PTPN7: variants seen among roughly 807,000 people sequenced by gnomAD.
PTPN7 encodes protein tyrosine phosphatase non-receptor type 7.
PTPN7 carries 33 observed loss-of-function variants against 50.3 expected under a neutral mutation model. That is an observed-to-expected ratio of 0.66 (90% CI 0.50 to 0.88). PTPN7 has a LOEUF of 0.88. PTPN7 is among the 40% of genes least tolerant of loss of function. The probability of loss-of-function intolerance (pLI) is 0.00; values close to 1 mark genes in which losing one functional copy is unlikely to be tolerated. For synonymous variants in PTPN7, 185 were observed against 186.6 expected (o/e 0.99, Z 0.07); for missense variants, 412 against 475.4 (o/e 0.87, Z 1.24).
In PTPN7 at chr1:202,159,213, T is replaced by G; in HGVS notation, c.122+68A>C. On this transcript the variant is annotated intron_variant, in intron 2 of 9. Coordinates refer to ENST00000691036, the MANE Select transcript of PTPN7 (RefSeq NM_002832.4). This position sits in a 1 kb window ranked among gnomAD's most constrained non-coding sequence, Gnocchi z 4.6. ...CTGCTGTCAGAGCTGGAGGGGCAGA[T>G]GGAAGGAAGGGAGGAGCGGAATGGG... The G allele has an allele frequency of 6.7e-7, 1 of 1,500,670 alleles. No individual in the cohort carries two copies. Among genetic ancestry groups the G allele is most frequent in the Non-Finnish European group, 9.2e-7 (1 of 1,086,302 alleles). 93.0% of individuals were successfully genotyped at this position (1,500,670 alleles called of 1,614,324 possible). A position where few individuals can be genotyped will look rare whatever the true frequency, so the allele number is the denominator to read the frequency against.
At chr1:202,152,801 G>A (rs141016298) in intron 7 of PTPN7, 102 bp from the exon 8 acceptor site, 33 of 1,366,014 alleles carry the variant, frequency 2.4e-5, no homozygotes, top group Non-Finnish European at 3.2e-5. Flanking sequence ...TTACCCTGTG[G>A]GGGGGTCATC....
chr1:202,149,818 T>C (rs1412228006), intron 9 of PTPN7: 2 of 147,368 alleles, frequency 1.4e-5, no homozygotes, highest in African/African-American at 5.2e-5. Context: ...CAGACAGATA[T>C]TCTTTTTTTT....
intron 9 of PTPN7, among the ~76,000 whole-genome samples, chr1:202,149,516 G>C (rs1256503017): frequency 6.6e-6 from 1 of 152,168 alleles, no homozygotes; most frequent in Non-Finnish European, 1.5e-5. Flanking sequence ...AGAAGTGGGG[G>C]CTGGGCACAG....
chr1:202,154,502 T>A (rs1656425573), intron 5 of PTPN7, among the ~76,000 whole-genome samples, 179 bp from the exon 6 acceptor site: 1 of 152,224 alleles, frequency 6.6e-6, no homozygotes, highest in African/African-American at 2.4e-5. Flanking sequence ...GGTTCTGGAA[T>A]GAGGATCAGA....
chr1:202,153,432 C>T (rs1656270905), intron 7 of PTPN7, among the ~76,000 whole-genome samples: 1 of 152,210 alleles, frequency 6.6e-6, no homozygotes, highest in Non-Finnish European at 1.5e-5. Context: ...CCTTCCACAT[C>T]TCCTTTAACC....
intron 8 of PTPN7, among the ~76,000 whole-genome samples, chr1:202,151,433 A>G (rs1294133354): frequency 1.3e-5 from 2 of 151,992 alleles, no homozygotes. Flanking sequence ...CTCTTGGAAA[A>G]CTTTCTCTGG....
In PTPN7 at chr1:202,159,164, C is replaced by G. The variant is rs1657033765; in HGVS notation, c.122+117G>C. ...ACTGGTTTCCTTTCCAAATTGGAGTCAACAACTGAGGGCCCTCTGGACCCT... is the reference window on the plus strand; with the variant it reads ...ACTGGTTTCCTTTCCAAATTGGAGTGAACAACTGAGGGCCCTCTGGACCCT... On this transcript the variant is annotated intron_variant, in intron 2 of 9. Transcript: ENST00000691036. The surrounding 1 kb of genome is among the most constrained non-coding windows in gnomAD (Gnocchi z 4.6). 1.0e-6 allele frequency: 1 copy of G among 1,004,272 alleles called. No individual in the cohort carries two copies. Among genetic ancestry groups the G allele is most frequent in the Admixed American group, 2.2e-5 (1 of 44,780 alleles). 62.2% of individuals were successfully genotyped at this position (1,004,272 alleles called of 1,614,324 possible). A position where few individuals can be genotyped will look rare whatever the true frequency, so the allele number is the denominator to read the frequency against.
At position 202,159,066 on chromosome 1, in the gene PTPN7, A is replaced by G. The variant is rs1657024838; in HGVS notation, c.122+215T>C. 7.0e-6 allele frequency: 4 copies of G among 572,130 alleles called. No homozygotes were observed. Among genetic ancestry groups the G allele is most frequent in the Non-Finnish European group, 1.2e-5 (4 of 321,716 alleles). The allele number at this position is 572,130 out of a possible 1,614,324, so 35.4% of individuals were successfully genotyped here. The stretch of plus-strand genomic sequence containing the variant: ...AAGAAGGCTGTGGGCCTTGCCTGGA[A>G]TTTAGGGAGCAGGCTCATGGTTGAT... On this transcript the variant is annotated intron_variant, in intron 2 of 9. Coordinates refer to ENST00000691036, the MANE Select transcript of PTPN7 (RefSeq NM_002832.4). This position sits in a 1 kb window ranked among gnomAD's most constrained non-coding sequence, Gnocchi z 4.6.
At chr1:202,151,863 A>G (rs1255247741) in intron 8 of PTPN7, among the ~76,000 whole-genome samples, 2 of 152,136 alleles carry the variant, frequency 1.3e-5, no homozygotes, top group African/African-American at 4.8e-5. Context: ...CTGGGAAGAA[A>G]CCAAACTGCT....
At chr1:202,158,537 T>G (rs965599887) in intron 2 of PTPN7, 15 of 453,800 alleles carry the variant, frequency 3.3e-5, no homozygotes, top group Non-Finnish European at 4.3e-5. Flanking sequence ...ATTTAAGTTT[T>G]TTTTTTTTTT....
chr1:202,150,507 A>G, intron 8 of PTPN7, 83 bp from the exon 9 acceptor site: 1 of 1,069,826 alleles, frequency 9.3e-7, no homozygotes, highest in African/African-American at 1.6e-5. Flanking sequence ...GGAGAAAGAA[A>G]TGGGACCTGC....
At position 202,159,466 on chromosome 1, in the gene PTPN7, G is replaced by A. The variant is rs150883460; in HGVS notation, c.-52-12C>T. On this transcript the variant is annotated splice_polypyrimidine_tract_variant and intron_variant, in intron 1 of 9. Coordinates refer to ENST00000691036, the MANE Select transcript of PTPN7 (RefSeq NM_002832.4). The surrounding 1 kb of genome is among the most constrained non-coding windows in gnomAD (Gnocchi z 4.6). ...GCCATGAGGTCTGCCTGAAAGACAGGGCCCTCCGCTGCTGTTCTCTGGCCT... is the reference window on the plus strand; with the variant it reads ...GCCATGAGGTCTGCCTGAAAGACAGAGCCCTCCGCTGCTGTTCTCTGGCCT... The A allele has an allele frequency of 3.6e-5, 58 of 1,608,430 alleles. No homozygotes were observed. In the African/African-American group the frequency reaches 6.5e-4, roughly 18 times the overall value.
intron 5 of PTPN7, 66 bp downstream of exon 5, chr1:202,155,467 G>T: frequency 6.9e-7 from 1 of 1,451,464 alleles, no homozygotes; most frequent in Non-Finnish European, 9.6e-7. Flanking sequence ...GCCATGGCTG[G>T]AAGATATTCT....
At chr1:202,156,296 G>A (rs1363626743) in intron 4 of PTPN7, among the ~76,000 whole-genome samples, 1 of 152,200 alleles carries the variant, frequency 6.6e-6, no homozygotes, top group African/African-American at 2.4e-5. Context: ...ATCAGTACAG[G>A]TTTAGAACAA....
chr1:202,158,154 C>T lies in PTPN7; in HGVS notation c.270G>A (p.Gln90=), dbSNP rs1459020421. The change falls in exon 3 of 10, where the codon CAG becomes CAA. Residue 90 remains glutamine, a synonymous_variant. Coordinates refer to ENST00000691036, the MANE Select transcript of PTPN7 (RefSeq NM_002832.4). ...HPLTRWALQR[Q]PPSPKQLEEE... ...CTTCCAGTTGCTTGGGGCTGGGTGG[C>T]TGGCGCTGAAGGGCCCAGCGGGTAA... 2 of 1,606,478 alleles carry T rather than the reference C, an allele frequency of 1.2e-6. No homozygotes were observed. Among genetic ancestry groups the T allele is most frequent in the Admixed American group, 3.4e-5 (2 of 58,098 alleles).
chr1:202,148,578 C>A lies in PTPN7; in HGVS notation c.*28G>T, dbSNP rs900792000. The A allele has an allele frequency of 1.3e-5, 21 of 1,600,272 alleles. No homozygotes were observed. Among genetic ancestry groups the A allele is most frequent in the Non-Finnish European group, 1.6e-5 (19 of 1,168,378 alleles). On this transcript the variant is annotated 3_prime_UTR_variant, in exon 10 of 10. Transcript: ENST00000691036. Reference sequence around the variant, plus strand: ...CCTTCCCAGGCTTGAGGGAGGTAGGCACCTGGGCCACCGGAGGGTGGCAGG... The same window carrying A: ...CCTTCCCAGGCTTGAGGGAGGTAGGAACCTGGGCCACCGGAGGGTGGCAGG...
At chr1:202,157,898 G>A (rs1167004256) in intron 3 of PTPN7, 75 bp from the exon 4 acceptor site, 3 of 1,487,000 alleles carry the variant, frequency 2.0e-6, no homozygotes, top group African/African-American at 1.4e-5. Context: ...TTCTAGAACA[G>A]CTGGACTCTG....
At chr1:202,160,779 T>C (rs1301687586), upstream of PTPN7, 3 of 1,550,646 alleles carry the variant, frequency 1.9e-6, no homozygotes, top group South Asian at 2.4e-5. This position sits in a 1 kb window ranked among gnomAD's most constrained non-coding sequence, Gnocchi z 4.8. Flanking sequence ...TCCCTGGGAA[T>C]GGGTGAGGGG....
Position 202,160,543 on chromosome 1 carries a change from A to G in PTPN7, c.-53+2T>C. On this transcript the variant is annotated splice_donor_variant, in intron 1 of 9. Coordinates refer to ENST00000691036, the MANE Select transcript of PTPN7 (RefSeq NM_002832.4). LOFTEE classifies it low-confidence loss of function (5UTR_SPLICE). The surrounding 1 kb of genome is among the most constrained non-coding windows in gnomAD (Gnocchi z 4.8). Reference sequence around the variant, plus strand: ...CTCCCAGTCCCCCCTTCAGATACTTACTGAAGCAGCTGTGGCCCCCAGGCT... The same window carrying G: ...CTCCCAGTCCCCCCTTCAGATACTTGCTGAAGCAGCTGTGGCCCCCAGGCT... The G allele has an allele frequency of 6.5e-7, 1 of 1,546,478 alleles. No homozygotes were observed. Among genetic ancestry groups the G allele is most frequent in the South Asian group, 1.2e-5 (1 of 83,864 alleles).
Sources: gnomAD v4.1 joint callset for allele counts (sites outside exome capture counted in the v4.1 genomes callset) on GRCh38, gnomAD v4.1.1 for gene constraint, Gnocchi (gnomAD v3.1) non-coding constraint, MANE v1.5 for transcripts, NCBI Gene and HGNC (gene_info 2026-07-23, HGNC 2026-07-21) for gene names.